Variants in DGUOK observed in about 807,000 individuals in gnomAD.
DGUOK encodes the protein deoxyguanosine kinase, mitochondrial.
A neutral mutation model predicts 36.6 loss-of-function variants in DGUOK; 30 were observed. The ratio of observed to expected loss-of-function variants is 0.82; its 90% CI spans 0.61 to 1.11. The LOEUF (loss-of-function observed/expected upper bound fraction) is 1.11. Among genes scored for constraint, DGUOK ranks in the 50% most tolerant of loss-of-function variants. DGUOK has a pLI of 0.00. For missense variants in DGUOK, 361 were observed against 336.4 expected (o/e 1.07, Z -0.57); for synonymous variants, 145 against 126.3 (o/e 1.15, Z -0.99).
At chr2:73,942,878 G>T (rs1211614836) in intron 2 of DGUOK, among the ~76,000 whole-genome samples, 1 of 152,156 alleles carries the variant, frequency 6.6e-6, no homozygotes, top group Non-Finnish European at 1.5e-5. Flanking sequence ...TACTAGAATA[G>T]TAACTGTTTT....
chr2:73,956,120 C>T (rs12470578), intron 4 of DGUOK, among the ~76,000 whole-genome samples: 3 of 152,120 alleles, frequency 2.0e-5, no homozygotes, highest in Non-Finnish European at 4.4e-5. Context: ...GGAGGGGTAG[C>T]TTTGTGTGAC....
intron 1 of DGUOK, among the ~76,000 whole-genome samples, chr2:73,934,516 G>A (rs1681303209): frequency 6.6e-6 from 1 of 152,114 alleles, no homozygotes; most frequent in African/African-American, 2.4e-5. Flanking sequence ...ACTTTGGGAG[G>A]CTGAGGCGGG....
intron 2 of DGUOK, among the ~76,000 whole-genome samples, chr2:73,940,502 A>G (rs1681823333): frequency 1.3e-5 from 2 of 152,000 alleles, no homozygotes; most frequent in Admixed American, 1.3e-4. Context: ...ATATGTCTGT[A>G]TGTGTGCCTG....
Position 73,958,760 on chromosome 2 carries a change from T to C in DGUOK, c.*24T>C, listed in dbSNP as rs773862116. 1 of 1,603,028 alleles carries C rather than the reference T, an allele frequency of 6.2e-7. No homozygotes were observed. Among genetic ancestry groups the C allele is most frequent in the South Asian group, 1.1e-5 (1 of 90,872 alleles). Reference sequence around the variant, plus strand: ...AACCAATACCATGAAGTTCAGGCTGTGATCTGGGCTCCCTGACTTTCTGAA... The same window carrying C: ...AACCAATACCATGAAGTTCAGGCTGCGATCTGGGCTCCCTGACTTTCTGAA... On this transcript the variant is annotated 3_prime_UTR_variant, in exon 7 of 7. Transcript: ENST00000264093.
chr2:73,929,916 T>C (rs748432763), intron 1 of DGUOK, among the ~76,000 whole-genome samples: 3 of 152,188 alleles, frequency 2.0e-5, no homozygotes, highest in Non-Finnish European at 4.4e-5. Context: ...GTGTTTAACA[T>C]TTTTAATTTT....
chr2:73,943,325 T>A (rs115313892), intron 2 of DGUOK, among the ~76,000 whole-genome samples: 9,093 of 31,942 alleles, frequency 0.28, 595 homozygotes, highest in African/African-American at 0.42. Context: ...ACTTAAAAAT[T>A]TTTTTTTTTT....
chr2:73,927,094 C>T (rs779259190), intron 1 of DGUOK, 42 bp downstream of exon 1: 4 of 1,602,424 alleles, frequency 2.5e-6, no homozygotes, highest in African/African-American at 1.3e-5. Context: ...GCCTCCGCCA[C>T]GCAGGCGACA....
intron 1 of DGUOK, among the ~76,000 whole-genome samples, chr2:73,934,190 A>G (rs909657324): frequency 1.3e-5 from 2 of 152,216 alleles, no homozygotes; most frequent in African/African-American, 4.8e-5. Context: ...TTGTCAGTTT[A>G]TAGAAAATTT....
At chr2:73,956,358 C>T (rs1261945295) in intron 4 of DGUOK, among the ~76,000 whole-genome samples, 1 of 152,220 alleles carries the variant, frequency 6.6e-6, no homozygotes, top group Non-Finnish European at 1.5e-5. Context: ...AATTACCTAA[C>T]ATTTTATAAA....
At chr2:73,939,060 GGT>G (rs1199008198) in intron 2 of DGUOK, 38 bp downstream of exon 2, 1 of 1,310,048 alleles carries the variant, frequency 7.6e-7, no homozygotes, top group Non-Finnish European at 1.1e-6. Context: ...GGCAGGCATG[GGT>G]GAATAATCTA....
At chr2:73,947,625 C>CGT (rs1159569782) in intron 3 of DGUOK, 1 of 154,758 alleles carries the variant, frequency 6.5e-6, no homozygotes, top group African/African-American at 2.4e-5. Context: ...AGAGCTAGGC[C>CGT]GTGCAGGCTC....
intron 3 of DGUOK, among the ~76,000 whole-genome samples, chr2:73,949,136 G>T (rs1682537114): frequency 6.6e-6 from 1 of 152,046 alleles, no homozygotes; most frequent in African/African-American, 2.4e-5. Context: ...GTTTTTAGTA[G>T]AAACGGGGTT....
intron 3 of DGUOK, among the ~76,000 whole-genome samples, chr2:73,949,348 T>C (rs1324324211): frequency 6.6e-6 from 1 of 152,254 alleles, no homozygotes; most frequent in Non-Finnish European, 1.5e-5. Flanking sequence ...TCTCATCAAC[T>C]AGACTATGGC....
chr2:73,955,603 G>C (rs1298389847), intron 4 of DGUOK, among the ~76,000 whole-genome samples: 1 of 152,204 alleles, frequency 6.6e-6, no homozygotes, highest in Non-Finnish European at 1.5e-5. Context: ...GGCCGGGCAC[G>C]GTGGCTCACG....
chr2:73,941,669 A>G (rs1435955475), intron 2 of DGUOK, among the ~76,000 whole-genome samples: 2 of 152,038 alleles, frequency 1.3e-5, no homozygotes, highest in Non-Finnish European at 2.9e-5. Flanking sequence ...TTGAATGTTT[A>G]GTTTTCTAAT....
intron 4 of DGUOK, among the ~76,000 whole-genome samples, chr2:73,953,985 T>G (rs1472805725): frequency 6.6e-6 from 1 of 152,062 alleles, no homozygotes; most frequent in Non-Finnish European, 1.5e-5. Context: ...CCCAAAGTGC[T>G]GGGATTACAG....
intron 5 of DGUOK, 52 bp from the exon 6 acceptor site, chr2:73,958,094 C>T (rs1683258690): frequency 6.9e-7 from 1 of 1,443,024 alleles, no homozygotes; most frequent in African/African-American, 1.4e-5. Context: ...TGAAACTTGA[C>T]TCAAGTTACA....
intron 4 of DGUOK, among the ~76,000 whole-genome samples, chr2:73,955,377 GGTTAA>G (rs1683012866): frequency 6.6e-6 from 1 of 152,144 alleles, no homozygotes; most frequent in Non-Finnish European, 1.5e-5. Flanking sequence ...AATATAAATT[GGTTAA>G]CCTCTAAGGA....
intron 1 of DGUOK, among the ~76,000 whole-genome samples, chr2:73,929,114 C>G (rs1420892993): frequency 4.6e-5 from 7 of 152,128 alleles, no homozygotes; most frequent in Non-Finnish European, 1.0e-4. Context: ...CCTCCCCTCC[C>G]CTCGCTTCCC....
Sources: gnomAD v4.1 joint callset for allele counts (sites outside exome capture counted in the v4.1 genomes callset) on GRCh38, gnomAD v4.1.1 for gene constraint, MANE v1.5 for transcripts, NCBI Gene and HGNC (gene_info 2026-07-23, HGNC 2026-07-21) for gene names.